Variants in OTUD7B observed in about 807,000 individuals in gnomAD.
OTUD7B encodes the protein OTU domain-containing protein 7B.
Under a neutral mutation model 82.2 loss-of-function variants are expected in OTUD7B, and 34 were observed. That is an observed-to-expected ratio of 0.41 (90% confidence interval 0.31 to 0.55). OTUD7B has a LOEUF of 0.55. Among genes scored for constraint, OTUD7B ranks in the 20% least tolerant of loss-of-function variants. OTUD7B has a pLI of 0.20. For missense variants in OTUD7B, 944 were observed against 1,062.1 expected (o/e 0.89, Z 1.55); for synonymous variants, 398 against 402.7 (o/e 0.99, Z 0.14).
chr1:149,958,741 T>C (rs1648907753), intron 7 of OTUD7B, among the ~76,000 whole-genome samples: 2 of 10,836 alleles, frequency 1.8e-4, no homozygotes, highest in Non-Finnish European at 3.3e-4. Context: ...CCCAACTGGT[T>C]GATGTCTTTT....
chr1:150,018,468 T>TA, the OTUD7B span, among the ~76,000 whole-genome samples: 12 of 152,262 alleles, frequency 7.9e-5, no homozygotes, highest in East Asian at 2.3e-3. Context: ...GCTCTCCTCT[T>TA]ACTTGCCAAT....
At chr1:150,044,673 A>AAATAAT in the OTUD7B span, among the ~76,000 whole-genome samples, 18,895 of 148,846 alleles carry the variant, frequency 0.13, 1,365 homozygotes, top group Non-Finnish European at 0.16. Flanking sequence ...CTGTCTCAAA[A>AAATAAT]AATAATAATA....
the OTUD7B span, chr1:150,050,518 C>A: frequency 6.6e-6 from 1 of 152,120 alleles, no homozygotes; most frequent in Non-Finnish European, 1.5e-5. Flanking sequence ...AGTAATTCAA[C>A]AAATCTTCCA....
chr1:149,982,171 A>T (rs1308495652), intron 1 of OTUD7B, among the ~76,000 whole-genome samples: 1 of 142,682 alleles, frequency 7.0e-6, no homozygotes, highest in East Asian at 1.9e-4. Context: ...TAAATAAATA[A>T]ATATAAAAAA....
the OTUD7B span, among the ~76,000 whole-genome samples, chr1:150,058,080 A>C: frequency 8.5e-5 from 13 of 152,354 alleles, no homozygotes; most frequent in East Asian, 2.5e-3. Flanking sequence ...AAAGAATAGT[A>C]TTAAAGCTCA....
At chr1:149,998,119 C>G (rs919027161) in intron 1 of OTUD7B, among the ~76,000 whole-genome samples, 2 of 152,154 alleles carry the variant, frequency 1.3e-5, no homozygotes, top group African/African-American at 4.8e-5. Context: ...TCTTACCTAA[C>G]CTTTTTCACG....
the OTUD7B span, among the ~76,000 whole-genome samples, chr1:150,031,482 A>G: frequency 3.9e-5 from 6 of 152,262 alleles, no homozygotes; most frequent in Admixed American, 2.6e-4. Flanking sequence ...CAAAAGAAGC[A>G]CATGCCTAGG....
At chr1:149,975,308 G>A (rs1381560254) in intron 2 of OTUD7B, among the ~76,000 whole-genome samples, 2 of 152,196 alleles carry the variant, frequency 1.3e-5, no homozygotes, top group Admixed American at 6.5e-5. Flanking sequence ...ATGAGTGTAT[G>A]TGTGTGTGCA....
the OTUD7B span, chr1:150,054,474 A>G: frequency 1.2e-5 from 6 of 510,164 alleles, no homozygotes; most frequent in Non-Finnish European, 2.3e-5. Context: ...GATATCAGCA[A>G]TGTAAAAATC....
the OTUD7B span, among the ~76,000 whole-genome samples, chr1:150,020,405 C>T: frequency 3.3e-5 from 5 of 152,084 alleles, no homozygotes; most frequent in Admixed American, 6.5e-5. Flanking sequence ...GGCATGGTGG[C>T]GCGCACCTGT....
chr1:149,976,612 C>CCAAAA (rs1650332155), intron 2 of OTUD7B, among the ~76,000 whole-genome samples: 1 of 7,480 alleles, frequency 1.3e-4, no homozygotes, highest in South Asian at 2.6e-3. Flanking sequence ...ACTCCGTCTA[C>CCAAAA]AAAAAAAAAA....
intron 1 of OTUD7B, among the ~76,000 whole-genome samples, chr1:149,986,241 AC>A: frequency 6.7e-6 from 1 of 148,512 alleles, no homozygotes; most frequent in Non-Finnish European, 1.5e-5. Flanking sequence ...ACCCCATCAC[AC>A]ACACACACAC....
At chr1:149,947,039 C>A (rs1452808272) in intron 11 of OTUD7B, among the ~76,000 whole-genome samples, 2 of 152,154 alleles carry the variant, frequency 1.3e-5, no homozygotes, top group Non-Finnish European at 2.9e-5. Context: ...GGTGACAGAA[C>A]AAGACTCCAT....
intron 6 of OTUD7B, chr1:149,963,346 C>T (rs1461157451): frequency 6.6e-6 from 1 of 151,964 alleles, no homozygotes; most frequent in Non-Finnish European, 1.5e-5. Context: ...TAGGGAGCCT[C>T]ATTATTTTTA....
chr1:150,052,108 C>T, the OTUD7B span, among the ~76,000 whole-genome samples: 1 of 152,160 alleles, frequency 6.6e-6, no homozygotes. Flanking sequence ...TGAAAACTGG[C>T]ACAGGACAAG....
chr1:150,002,433 C>A (rs775802426), intron 1 of OTUD7B, among the ~76,000 whole-genome samples: 1 of 152,168 alleles, frequency 6.6e-6, no homozygotes, highest in Non-Finnish European at 1.5e-5. Flanking sequence ...GTCCAGGGCA[C>A]CGAACTGCCC....
chr1:149,993,102 G>C (rs1553782541), intron 1 of OTUD7B, among the ~76,000 whole-genome samples: 1 of 152,168 alleles, frequency 6.6e-6, no homozygotes. Flanking sequence ...AATGAGCTGA[G>C]ATCGCACCAC....
chr1:150,050,375 CA>C, the OTUD7B span: 1 of 152,198 alleles, frequency 6.6e-6, no homozygotes, highest in Non-Finnish European at 1.5e-5. Flanking sequence ...GAAAAATGCA[CA>C]GAAAGTACTT....
intron 7 of OTUD7B, among the ~76,000 whole-genome samples, chr1:149,958,987 C>T (rs587594133): frequency 6.6e-6 from 1 of 151,974 alleles, no homozygotes; most frequent in African/African-American, 2.4e-5. Flanking sequence ...TTTGGGAGGC[C>T]AAGGTGGGTG....
Sources: allele counts gnomAD v4.1 joint callset (sites outside exome capture counted in the v4.1 genomes callset), GRCh38; gene constraint gnomAD v4.1.1; transcripts MANE v1.5; gene names NCBI Gene and HGNC (gene_info 2026-07-23, HGNC 2026-07-21).